Variants in EHBP1 observed in about 807,000 individuals in gnomAD.
The protein encoded by EHBP1 is EH domain-binding protein 1.
In EHBP1, 55 loss-of-function variants were observed where a neutral mutation model predicts 144.0. The observed-to-expected ratio is 0.38, with a 90% CI of 0.31 to 0.48. The LOEUF (loss-of-function observed/expected upper bound fraction) is 0.48, where lower values mean the gene tolerates loss of function less well. Ranked by LOEUF, EHBP1 falls within the 20% of genes least tolerant of loss-of-function variation. The probability of loss-of-function intolerance (pLI) is 0.98; values close to 1 mark genes in which losing one functional copy is unlikely to be tolerated. For missense variants in EHBP1, 1,200 were observed against 1,364.2 expected, an observed-to-expected ratio of 0.88 and a Z score of 1.90; for synonymous variants, 469 against 472.7, an observed-to-expected ratio of 0.99 and a Z score of 0.10.
chr2:62,781,261 A>C (rs138435450), intron 5 of EHBP1, among the ~76,000 whole-genome samples: 208 of 152,256 alleles, frequency 1.4e-3, no homozygotes, highest in Admixed American at 3.0e-3. Flanking sequence ...TAAAAAGTAA[A>C]GTTTTTACAA....
intron 15 of EHBP1, among the ~76,000 whole-genome samples, chr2:62,982,591 C>G (rs2059018600): frequency 6.6e-6 from 1 of 151,984 alleles, no homozygotes; most frequent in South Asian, 2.1e-4. Flanking sequence ...AAAAGTTTTG[C>G]TAAGGAGTAG....
chr2:62,728,059 A>G (rs528128393), intron 2 of EHBP1, among the ~76,000 whole-genome samples: 1 of 152,332 alleles, frequency 6.6e-6, no homozygotes, highest in South Asian at 2.1e-4. Flanking sequence ...TTTATCTTAA[A>G]TATTGGACAC....
At chr2:62,770,856 A>T (rs1242563345) in intron 4 of EHBP1, among the ~76,000 whole-genome samples, 2 of 152,214 alleles carry the variant, frequency 1.3e-5, no homozygotes, top group African/African-American at 2.4e-5. Context: ...TTTTTCTGGA[A>T]CATGGATGGA....
intron 7 of EHBP1, among the ~76,000 whole-genome samples, chr2:62,833,011 G>A (rs2152669053): frequency 6.6e-6 from 1 of 152,178 alleles, no homozygotes; most frequent in Admixed American, 6.5e-5. Context: ...AATTCTAGAA[G>A]GAAATTAAAA....
intron 1 of EHBP1, among the ~76,000 whole-genome samples, chr2:62,687,519 A>T (rs2033759195): frequency 6.6e-6 from 1 of 152,208 alleles, no homozygotes. Flanking sequence ...GTGTAGAAGT[A>T]TAAACTGTTT....
chr2:62,867,355 G>T (rs1024536420), intron 9 of EHBP1, among the ~76,000 whole-genome samples: 1 of 151,860 alleles, frequency 6.6e-6, no homozygotes, highest in Non-Finnish European at 1.5e-5. Context: ...TTTAAAATGG[G>T]TACTAAAACT....
At chr2:62,969,375 G>T (rs1362728691) in intron 14 of EHBP1, among the ~76,000 whole-genome samples, 1 of 151,938 alleles carries the variant, frequency 6.6e-6, no homozygotes, top group Non-Finnish European at 1.5e-5. Context: ...GTATAGCATG[G>T]TATAACACTG....
intron 2 of EHBP1, among the ~76,000 whole-genome samples, chr2:62,742,134 T>C (rs1262692059): frequency 2.0e-5 from 3 of 152,178 alleles, no homozygotes; most frequent in Non-Finnish European, 4.4e-5. Context: ...AGGTATGTAG[T>C]AGGTTGTACT....
chr2:62,989,555 C>T (rs1277112240), intron 15 of EHBP1, among the ~76,000 whole-genome samples: 1 of 152,102 alleles, frequency 6.6e-6, no homozygotes, highest in Non-Finnish European at 1.5e-5. Flanking sequence ...TAAAAACTCT[C>T]CTCCTACTTA....
chr2:62,927,377 GAAAT>G (rs2055605277), intron 10 of EHBP1, among the ~76,000 whole-genome samples: 1 of 152,022 alleles, frequency 6.6e-6, no homozygotes, highest in African/African-American at 2.4e-5. Context: ...CCAGCACAAA[GAAAT>G]AATAAATGTT....
At chr2:62,775,661 T>G (rs2152387799) in intron 5 of EHBP1, among the ~76,000 whole-genome samples, 1 of 152,246 alleles carries the variant, frequency 6.6e-6, no homozygotes, top group South Asian at 2.1e-4. Context: ...CTGTAACAAA[T>G]TTATTGGACC....
At chr2:62,982,180 T>TTTATTTATTTA (rs2059002317) in intron 15 of EHBP1, among the ~76,000 whole-genome samples, 1 of 152,202 alleles carries the variant, frequency 6.6e-6, no homozygotes, top group South Asian at 2.1e-4. Context: ...AATTCAATGA[T>TTTATTTATTTA]TCATATACAT....
At chr2:62,999,397 C>T (rs1318476692) in intron 19 of EHBP1, among the ~76,000 whole-genome samples, 1 of 152,126 alleles carries the variant, frequency 6.6e-6, no homozygotes, top group Non-Finnish European at 1.5e-5. Context: ...GGTACATTCA[C>T]AGTGTTGTAT....
intron 3 of EHBP1, among the ~76,000 whole-genome samples, chr2:62,755,158 T>C (rs2040158390): frequency 6.6e-6 from 1 of 152,208 alleles, no homozygotes; most frequent in Admixed American, 6.5e-5. Context: ...TTTGTTCCTC[T>C]TCTAGGCAGT....
rs1185564450 is a variant in EHBP1 at position 62,770,851 on chromosome 2, C to G, written c.259-488C>G. Among the ~76,000 whole-genome samples the G allele has an allele frequency of 7.9e-5, 12 of 152,114 alleles. 1 individual carries two copies. Among genetic ancestry groups the G allele is most frequent in the Admixed American group, 7.2e-4 (11 of 15,266 alleles). On this transcript the variant is annotated intron_variant, in intron 4 of 22. Transcript: ENST00000431489. ...AAAAGGAATGAGATCATGCTTTTTTCTGGAACATGGATGGAGCTGGAGGCT... is the reference window on the plus strand; with the variant it reads ...AAAAGGAATGAGATCATGCTTTTTTGTGGAACATGGATGGAGCTGGAGGCT...
At chr2:62,867,125 A>G (rs1450401100) in intron 9 of EHBP1, among the ~76,000 whole-genome samples, 1 of 152,160 alleles carries the variant, frequency 6.6e-6, no homozygotes, top group African/African-American at 2.4e-5. Context: ...TATATAAAAT[A>G]CTTGTCTTAT....
chr2:62,980,139 G>A (rs561325322), intron 15 of EHBP1, among the ~76,000 whole-genome samples: 2 of 152,120 alleles, frequency 1.3e-5, no homozygotes. Context: ...CATCCCCAAC[G>A]TTTTTGGCAC....
chr2:62,747,370 G>A, intron 2 of EHBP1, 25 bp from the exon 3 acceptor site: 1 of 1,600,656 alleles, frequency 6.2e-7, no homozygotes. Context: ...GATAAATTAT[G>A]TTTAACTTTT....
At chr2:62,885,775 C>T (rs1019860224) in intron 10 of EHBP1, among the ~76,000 whole-genome samples, 2 of 152,098 alleles carry the variant, frequency 1.3e-5, no homozygotes, top group African/African-American at 4.8e-5. Context: ...CCGTACATTC[C>T]ATGATGAAAT....
Sources: allele counts gnomAD v4.1 joint callset (sites outside exome capture counted in the v4.1 genomes callset), GRCh38; gene constraint gnomAD v4.1.1; transcripts MANE v1.5; gene names NCBI Gene and HGNC (gene_info 2026-07-23, HGNC 2026-07-21).